The following GRHL2 variants were observed in gnomAD, a reference collection of about 807,000 sequenced individuals.
The protein encoded by GRHL2 is grainyhead like transcription factor 2, also known as grainyhead-like protein 2 homolog.
A neutral mutation model predicts 83.8 loss-of-function variants in GRHL2; 21 were observed. The observed-to-expected ratio is 0.25, with a 90% CI of 0.18 to 0.36. The LOEUF (loss-of-function observed/expected upper bound fraction) is 0.36, where lower values mean the gene tolerates loss of function less well. GRHL2 is among the 10% of genes least tolerant of loss of function. The pLI, the probability that GRHL2 is intolerant of heterozygous loss-of-function variation, is 1.00. For missense variants in GRHL2, 623 were observed against 781.8 expected, an observed-to-expected ratio of 0.80 and a Z score of 2.42; for synonymous variants, 280 against 278.9, an observed-to-expected ratio of 1.00 and a Z score of -0.04.
intron 14 of GRHL2, among the ~76,000 whole-genome samples, chr8:101,661,147 TAA>T (rs368958063): frequency 6.6e-6 from 1 of 152,212 alleles, no homozygotes; most frequent in East Asian, 1.9e-4. Context: ...GCAATTTTTT[TAA>T]AAAGTCCATC....
At chr8:101,656,469 C>T (rs1175060492) in intron 14 of GRHL2, among the ~76,000 whole-genome samples, 1 of 152,168 alleles carries the variant, frequency 6.6e-6, no homozygotes, top group African/African-American at 2.4e-5. Context: ...AACTTAAGTC[C>T]TCAAGCAACT....
chr8:101,605,741 A>G (rs930433425), intron 8 of GRHL2, among the ~76,000 whole-genome samples: 2 of 152,210 alleles, frequency 1.3e-5, no homozygotes, highest in South Asian at 2.1e-4. Flanking sequence ...GCACTCTTCA[A>G]CGGAGCATTT....
At chr8:101,604,323 C>CT (rs1430967980) in intron 8 of GRHL2, among the ~76,000 whole-genome samples, 1 of 152,152 alleles carries the variant, frequency 6.6e-6, no homozygotes, top group Admixed American at 6.5e-5. Flanking sequence ...GCACCGAGCA[C>CT]TGCCTTTCTC....
At position 101,598,413 on chromosome 8, in the gene GRHL2, T is replaced by C. The variant is rs147288633; in HGVS notation, c.1004-644T>C. ...TGCCACCATGCCCGGCTAATTTTTA[T>C]ATTTTTAGTAGAGACAGGGTTTCAC... On this transcript the variant is annotated intron_variant, in intron 7 of 15. Coordinates refer to ENST00000646743, the MANE Select transcript of GRHL2 (RefSeq NM_024915.4). Among the ~76,000 whole-genome samples, 848 of 151,896 alleles carry C rather than the reference T, an allele frequency of 5.6e-3. 6 individuals are homozygous for C. Among genetic ancestry groups the C allele is most frequent in the African/African-American group, 0.02 (811 of 41,440 alleles).
intron 12 of GRHL2, among the ~76,000 whole-genome samples, chr8:101,640,767 T>C (rs1813385171): frequency 6.6e-6 from 1 of 152,174 alleles, no homozygotes; most frequent in East Asian, 1.9e-4. Context: ...TTGGTAGGGT[T>C]GGGTGATCAT....
Position 101,517,131 on chromosome 8 carries a change from A to G in GRHL2, c.20+24342A>G, listed in dbSNP as rs141081109. On this transcript the variant is annotated intron_variant, in intron 1 of 15. Transcript: ENST00000646743. ...CTTCACATCTCCCCTTTCCACCTTCACATCTCCTAGTCACTAGGGCTAAAA... is the reference window on the plus strand; with the variant it reads ...CTTCACATCTCCCCTTTCCACCTTCGCATCTCCTAGTCACTAGGGCTAAAA... 3.8e-3 allele frequency among the ~76,000 whole-genome samples: 573 copies of G among 151,958 alleles called. 1 individual carries two copies. The highest frequency in any genetic ancestry group is 0.013 in the African/African-American group (544 of 41,406).
At chr8:101,524,712 T>C (rs1586419346) in intron 1 of GRHL2, among the ~76,000 whole-genome samples, 1 of 152,168 alleles carries the variant, frequency 6.6e-6, no homozygotes, top group South Asian at 2.1e-4. Context: ...AAGAGTTCTT[T>C]GAAATGGGTA....
At chr8:101,652,467 G>GGT (rs556986627) in intron 14 of GRHL2, among the ~76,000 whole-genome samples, 1,901 of 28,534 alleles carry the variant, frequency 0.067, 240 homozygotes, top group African/African-American at 0.099. Flanking sequence ...TGGTGTGTGT[G>GGT]GTGTGTGTGT....
At chr8:101,678,571 G>A in the GRHL2 span, among the ~76,000 whole-genome samples, 1 of 151,800 alleles carries the variant, frequency 6.6e-6, no homozygotes, top group Non-Finnish European at 1.5e-5. Context: ...GAACTGGGTG[G>A]AGCCCACCAC....
chr8:101,645,472 T>C (rs1813494404), intron 13 of GRHL2, among the ~76,000 whole-genome samples: 1 of 152,150 alleles, frequency 6.6e-6, no homozygotes, highest in South Asian at 2.1e-4. Flanking sequence ...TACTTTGTTA[T>C]TGAGAAATTT....
At chr8:101,675,313 T>C in the GRHL2 span, among the ~76,000 whole-genome samples, 1 of 152,070 alleles carries the variant, frequency 6.6e-6, no homozygotes, top group Non-Finnish European at 1.5e-5. Context: ...GAAAACCCCA[T>C]CGTCTCAGCT....
chr8:101,606,026 A>C (rs10955260), intron 8 of GRHL2, among the ~76,000 whole-genome samples: 77,386 of 151,998 alleles, frequency 0.51, 21,609 homozygotes, highest in African/African-American at 0.74. Context: ...TCTTTTTTTG[A>C]AAAACCATGC....
At chr8:101,621,675 C>T (rs1003421505) in intron 9 of GRHL2, among the ~76,000 whole-genome samples, 13 of 152,044 alleles carry the variant, frequency 8.6e-5, no homozygotes, top group Non-Finnish European at 1.6e-4. Flanking sequence ...GTGGAAGGAT[C>T]ACATGAGTCC....
chr8:101,649,897 A>G (rs1412731361), intron 14 of GRHL2, among the ~76,000 whole-genome samples: 1 of 151,776 alleles, frequency 6.6e-6, no homozygotes, highest in Non-Finnish European at 1.5e-5. Flanking sequence ...CTTGGTTAAG[A>G]AAAAAAAATA....
At chr8:101,533,827 T>G (rs1169359350) in intron 1 of GRHL2, among the ~76,000 whole-genome samples, 1 of 152,082 alleles carries the variant, frequency 6.6e-6, no homozygotes, top group East Asian at 1.9e-4. Flanking sequence ...GTCAAGGCCT[T>G]AAGGTGGGAC....
In GRHL2 at chr8:101,652,373, GA is replaced by G. The variant is rs1563626853; in HGVS notation, c.1698+2875del. On this transcript the variant is annotated intron_variant, in intron 14 of 15. Transcript: ENST00000646743. ...TGGTGTGTGTGGTGTGTGTGTGTCT[GA>G]TGTGTGTGTGGTGTGTGTGTGTGTC... 6.9e-3 allele frequency among the ~76,000 whole-genome samples: 72 copies of G among 10,378 alleles called. 1 individual carries two copies. Among genetic ancestry groups the G allele is most frequent in the African/African-American group, 0.022 (56 of 2,528 alleles). 6.8% of individuals were successfully genotyped at this position (10,378 alleles called of 152,430 possible).
chr8:101,623,037 T>C (rs774010093), intron 9 of GRHL2, among the ~76,000 whole-genome samples: 4 of 152,212 alleles, frequency 2.6e-5, no homozygotes, highest in Non-Finnish European at 5.9e-5. Flanking sequence ...CTCTTAAAGG[T>C]GCTGCAGTCA....
intron 3 of GRHL2, among the ~76,000 whole-genome samples, chr8:101,553,842 G>C (rs776941237): frequency 6.6e-6 from 1 of 151,930 alleles, no homozygotes; most frequent in Non-Finnish European, 1.5e-5. Context: ...TGGCCAGGAT[G>C]GGCTCTATCT....
chr8:101,672,092 C>T (rs1282704994), downstream of GRHL2, among the ~76,000 whole-genome samples: 1 of 151,596 alleles, frequency 6.6e-6, no homozygotes, highest in Non-Finnish European at 1.5e-5. Flanking sequence ...GATAAAGCCA[C>T]AAAGATGGGG....
Sources: allele counts gnomAD v4.1 joint callset (sites outside exome capture counted in the v4.1 genomes callset), GRCh38; gene constraint gnomAD v4.1.1; transcripts MANE v1.5; gene names NCBI Gene and HGNC (gene_info 2026-07-23, HGNC 2026-07-21).